Variants in IMMP2L observed in about 807,000 individuals in gnomAD.
IMMP2L encodes the protein inner mitochondrial membrane peptidase subunit 2, also known as mitochondrial inner membrane protease subunit 2.
In IMMP2L, 18 loss-of-function variants were observed where a neutral mutation model predicts 19.3. The ratio of observed to expected loss-of-function variants is 0.93; its 90% CI spans 0.64 to 1.38. The LOEUF is 1.38. Ranked by LOEUF, IMMP2L falls within the 40% of genes most tolerant of loss-of-function variation. IMMP2L has a pLI of 0.00. For missense variants in IMMP2L, 233 were observed against 218.2 expected (o/e 1.07, Z -0.43); for synonymous variants, 76 against 73.0 (o/e 1.04, Z -0.21).
chr7:111,221,121 A>G (rs2129620539), intron 3 of IMMP2L, among the ~76,000 whole-genome samples: 1 of 152,120 alleles, frequency 6.6e-6, no homozygotes, highest in East Asian at 1.9e-4. Context: ...CACCTTCACA[A>G]ACAAGGAGTA....
intron 5 of IMMP2L, among the ~76,000 whole-genome samples, chr7:110,672,566 C>T (rs1791994878): frequency 6.6e-6 from 1 of 152,124 alleles, no homozygotes; most frequent in African/African-American, 2.4e-5. Context: ...AAGGCAAGTC[C>T]CTTCCGCCTA....
intron 5 of IMMP2L, among the ~76,000 whole-genome samples, chr7:110,696,026 C>T (rs1172493837): frequency 2.0e-5 from 3 of 152,194 alleles, no homozygotes; most frequent in Admixed American, 6.5e-5. Flanking sequence ...AGAGAAACCA[C>T]TTTTCAAAAG....
At chr7:111,259,177 G>C (rs1004347100) in intron 3 of IMMP2L, among the ~76,000 whole-genome samples, 1 of 152,080 alleles carries the variant, frequency 6.6e-6, no homozygotes, top group African/African-American at 2.4e-5. Flanking sequence ...TGTATAAAGT[G>C]TATAAGCTCC....
At chr7:111,220,485 T>C (rs1256606950) in intron 3 of IMMP2L, among the ~76,000 whole-genome samples, 1 of 152,026 alleles carries the variant, frequency 6.6e-6, no homozygotes, top group Non-Finnish European at 1.5e-5. Context: ...AGAAAATTTA[T>C]TATATTAAAT....
At chr7:110,846,776 T>C (rs919154656) in intron 5 of IMMP2L, among the ~76,000 whole-genome samples, 2 of 152,162 alleles carry the variant, frequency 1.3e-5, no homozygotes, top group African/African-American at 2.4e-5. Flanking sequence ...ACATTCTTAA[T>C]ATATTAGCTG....
At chr7:111,306,417 C>A (rs1438661856) in intron 3 of IMMP2L, among the ~76,000 whole-genome samples, 4 of 152,038 alleles carry the variant, frequency 2.6e-5, no homozygotes, top group Admixed American at 2.6e-4. Flanking sequence ...GGAGTAGGTA[C>A]ATAGAAAATC....
chr7:111,147,286 A>C (rs552936132), intron 3 of IMMP2L, among the ~76,000 whole-genome samples: 3 of 152,034 alleles, frequency 2.0e-5, no homozygotes, highest in Non-Finnish European at 4.4e-5. Context: ...AATCTTCCTC[A>C]AATATCTTGT....
At chr7:111,175,053 A>G (rs1373592344) in intron 3 of IMMP2L, among the ~76,000 whole-genome samples, 1 of 151,892 alleles carries the variant, frequency 6.6e-6, no homozygotes, top group Non-Finnish European at 1.5e-5. Context: ...TTCTTTTGAA[A>G]TATATCAGAA....
chr7:110,901,963 T>G (rs73425069), intron 4 of IMMP2L, among the ~76,000 whole-genome samples: 1 of 152,072 alleles, frequency 6.6e-6, no homozygotes, highest in African/African-American at 2.4e-5. Flanking sequence ...ATAGACTGAT[T>G]TGCATCAAAG....
intron 3 of IMMP2L, among the ~76,000 whole-genome samples, chr7:111,173,150 G>T (rs974387175): frequency 1.3e-5 from 2 of 151,414 alleles, no homozygotes. Flanking sequence ...TATTACTACT[G>T]AAGTGTTGCA....
At chr7:111,499,009 C>A (rs190597415) in intron 2 of IMMP2L, among the ~76,000 whole-genome samples, 233 of 152,180 alleles carry the variant, frequency 1.5e-3, no homozygotes, top group African/African-American at 4.5e-3. Flanking sequence ...CAAAACAAAC[C>A]ACTCCAAAAC....
intron 3 of IMMP2L, among the ~76,000 whole-genome samples, chr7:111,433,492 G>T (rs571305170): frequency 1.3e-5 from 2 of 151,900 alleles, no homozygotes; most frequent in East Asian, 3.9e-4. Flanking sequence ...ATCAGATCCT[G>T]TGAGAGTTAT....
At chr7:111,210,187 C>A (rs1484008762) in intron 3 of IMMP2L, among the ~76,000 whole-genome samples, 1 of 152,084 alleles carries the variant, frequency 6.6e-6, no homozygotes, top group Admixed American at 6.5e-5. Flanking sequence ...ATTACCCCAG[C>A]CTCAGCAATT....
intron 4 of IMMP2L, 146 bp downstream of exon 4, chr7:110,963,354 T>C (rs1300928887): frequency 3.2e-6 from 2 of 615,426 alleles, no homozygotes; most frequent in Non-Finnish European, 5.7e-6. Flanking sequence ...GAAAGGTTAA[T>C]GATGCTCACT....
At chr7:111,050,176 C>G (rs946812092) in intron 3 of IMMP2L, among the ~76,000 whole-genome samples, 1 of 152,188 alleles carries the variant, frequency 6.6e-6, no homozygotes, top group South Asian at 2.1e-4. Flanking sequence ...CCATACTGTC[C>G]TTTCACGAAA....
chr7:110,903,128 T>C (rs970125465), intron 4 of IMMP2L, among the ~76,000 whole-genome samples: 6 of 152,058 alleles, frequency 3.9e-5, no homozygotes, highest in Admixed American at 2.6e-4. Flanking sequence ...TCAATACAAT[T>C]AGGTTCCCCC....
intron 3 of IMMP2L, among the ~76,000 whole-genome samples, chr7:111,383,948 T>C (rs1295099902): frequency 6.6e-6 from 1 of 152,132 alleles, no homozygotes; most frequent in Non-Finnish European, 1.5e-5. Context: ...GTCTTATTTA[T>C]ATCTCAATTA....
At chr7:111,555,098 G>A (rs1161189780) in intron 1 of IMMP2L, among the ~76,000 whole-genome samples, 2 of 152,036 alleles carry the variant, frequency 1.3e-5, no homozygotes, top group Admixed American at 1.3e-4. Context: ...CATCCTTCCT[G>A]CCATATATAT....
chr7:110,860,588 T>G (rs1296435781), intron 5 of IMMP2L, among the ~76,000 whole-genome samples: 1 of 152,150 alleles, frequency 6.6e-6, no homozygotes, highest in African/African-American at 2.4e-5. Context: ...ATCTTGGCCT[T>G]GAGATTCATA....
Sources: gnomAD v4.1 joint callset for allele counts (sites outside exome capture counted in the v4.1 genomes callset) on GRCh38, gnomAD v4.1.1 for gene constraint, MANE v1.5 for transcripts, NCBI Gene and HGNC (gene_info 2026-07-23, HGNC 2026-07-21) for gene names.